Variants in TMEM266 observed in about 807,000 individuals in gnomAD.
TMEM266 encodes transmembrane protein 266, also known as Hv1 related protein 1.
In TMEM266, 33 loss-of-function variants were observed where a neutral mutation model predicts 50.5. That is an observed-to-expected ratio of 0.65 (90% confidence interval 0.50 to 0.87). The LOEUF is 0.87. Among genes scored for constraint, TMEM266 ranks in the 40% least tolerant of loss-of-function variants. The pLI, the probability that TMEM266 is intolerant of heterozygous loss-of-function variation, is 0.00. For synonymous variants in TMEM266, 310 were observed against 292.3 expected (o/e 1.06, Z -0.62); for missense variants, 655 against 695.1 (o/e 0.94, Z 0.65).
chr15:76,094,359 T>A (rs1289702170), intron 1 of TMEM266, among the ~76,000 whole-genome samples: 2 of 152,114 alleles, frequency 1.3e-5, no homozygotes, highest in African/African-American at 4.8e-5. Flanking sequence ...CCAACACCAT[T>A]GATTAAATAG....
At chr15:76,149,077 G>A (rs2037799210) in intron 3 of TMEM266, among the ~76,000 whole-genome samples, 4 of 152,254 alleles carry the variant, frequency 2.6e-5, no homozygotes, top group African/African-American at 9.6e-5. Flanking sequence ...TTGGGTACAG[G>A]GAACAAAGGG....
chr15:76,197,865 A>C (rs758171398), intron 9 of TMEM266, among the ~76,000 whole-genome samples: 3 of 151,962 alleles, frequency 2.0e-5, no homozygotes, highest in Non-Finnish European at 4.4e-5. Flanking sequence ...CTTTCTCTCC[A>C]CCTCTGCCTC....
At chr15:76,084,246 A>G (rs984369062) in intron 1 of TMEM266, among the ~76,000 whole-genome samples, 2 of 152,092 alleles carry the variant, frequency 1.3e-5, no homozygotes, top group African/African-American at 2.4e-5. Flanking sequence ...TCCAGAAGTT[A>G]GAGGCTACAA....
chr15:76,150,634 A>G (rs1400887858), intron 3 of TMEM266, among the ~76,000 whole-genome samples: 1 of 152,146 alleles, frequency 6.6e-6, no homozygotes, highest in African/African-American at 2.4e-5. Context: ...ACTGCAGACC[A>G]ATTGCATAGT....
chr15:76,076,357 A>G (rs2036608142), intron 1 of TMEM266, among the ~76,000 whole-genome samples: 1 of 152,066 alleles, frequency 6.6e-6, no homozygotes, highest in Admixed American at 6.5e-5. Context: ...TTAACCCAAT[A>G]TAAATACACT....
At chr15:76,179,357 A>G (rs2038357517) in intron 8 of TMEM266, among the ~76,000 whole-genome samples, 1 of 152,196 alleles carries the variant, frequency 6.6e-6, no homozygotes, top group Admixed American at 6.5e-5. Flanking sequence ...TGGACCCCGA[A>G]GTCCACCAGC....
chr15:76,104,066 G>GC, intron 1 of TMEM266, among the ~76,000 whole-genome samples: 1 of 151,962 alleles, frequency 6.6e-6, no homozygotes, highest in African/African-American at 2.4e-5. Context: ...AATTAGCTGG[G>GC]CATGGTGGCA....
chr15:76,127,431 A>G (rs2037441056), intron 1 of TMEM266, among the ~76,000 whole-genome samples: 3 of 151,828 alleles, frequency 2.0e-5, no homozygotes, highest in Middle Eastern at 3.4e-3. Context: ...GTCTCAAGCA[A>G]TTCTCCCACT....
Position 76,098,551 on chromosome 15 carries a change from C to T in TMEM266, c.-96-35617C>T, listed in dbSNP as rs188711521. 6.5e-4 allele frequency among the ~76,000 whole-genome samples: 99 copies of T among 152,236 alleles called. 1 individual carries two copies. The highest frequency in any genetic ancestry group is 2.0e-3 in the African/African-American group (82 of 41,562). ...GGAGCTGTCTCCCAGTTAGGATACA[C>T]GGGGATCAGGGACCCACTTGAGGAG... On this transcript the variant is annotated intron_variant, in intron 1 of 10. Coordinates refer to ENST00000388942, the MANE Select transcript of TMEM266 (RefSeq NM_152335.3).
chr15:76,082,959 ACT>A (rs1458482766), intron 1 of TMEM266, among the ~76,000 whole-genome samples: 1 of 149,578 alleles, frequency 6.7e-6, no homozygotes, highest in Non-Finnish European at 1.5e-5. Context: ...ACAGAGCAAG[ACT>A]CTGTCTAAAA....
chr15:76,179,325 G>C (rs563087085), intron 8 of TMEM266, among the ~76,000 whole-genome samples: 2 of 152,298 alleles, frequency 1.3e-5, no homozygotes, highest in Admixed American at 1.3e-4. Context: ...CCTGACACAT[G>C]ATGGGTAGCA....
intron 5 of TMEM266, among the ~76,000 whole-genome samples, chr15:76,165,073 C>T (rs911834619): frequency 9.9e-5 from 15 of 152,262 alleles, no homozygotes; most frequent in South Asian, 2.1e-4. Context: ...GGGAGGGCCT[C>T]GGCCTCAGGC....
intron 4 of TMEM266, among the ~76,000 whole-genome samples, chr15:76,157,237 C>T (rs548251899): frequency 2.3e-4 from 35 of 152,120 alleles, no homozygotes; most frequent in Non-Finnish European, 1.3e-4. Flanking sequence ...GTGATTTATA[C>T]GTATCGTGAT....
rs1176686253 is a variant in TMEM266, at chr15:76,203,726, C to T, written c.1022-15C>T. On this transcript the variant is annotated splice_polypyrimidine_tract_variant and intron_variant, in intron 10 of 10. Coordinates refer to ENST00000388942, the MANE Select transcript of TMEM266 (RefSeq NM_152335.3). ...AGAGGTTGAAGTGTGACCAAGATCC[C>T]CTCCTACCTTGCAGACAGCGGTGTC... 3 of 1,603,894 alleles carry T rather than the reference C, an allele frequency of 1.9e-6. No individual in the cohort carries two copies. Among genetic ancestry groups the T allele is most frequent in the East Asian group, 2.2e-5 (1 of 44,740 alleles).
At chr15:76,143,391 C>T (rs969640988) in intron 3 of TMEM266, among the ~76,000 whole-genome samples, 9 of 152,230 alleles carry the variant, frequency 5.9e-5, no homozygotes, top group Non-Finnish European at 1.0e-4. Context: ...TGTTCTCAAG[C>T]GCATCAGCCA....
At chr15:76,181,195 C>G (rs1384323857) in intron 8 of TMEM266, 2 of 152,238 alleles carry the variant, frequency 1.3e-5, no homozygotes, top group Non-Finnish European at 2.9e-5. Context: ...CAACGTGGCA[C>G]AGCAGTTATG....
intron 1 of TMEM266, among the ~76,000 whole-genome samples, chr15:76,098,736 T>C (rs939339183): frequency 6.6e-6 from 1 of 150,658 alleles, no homozygotes; most frequent in African/African-American, 2.4e-5. Flanking sequence ...TATCTATAAG[T>C]CCCTGACTGG....
At chr15:76,144,681 G>A (rs927469051) in intron 3 of TMEM266, among the ~76,000 whole-genome samples, 3 of 152,154 alleles carry the variant, frequency 2.0e-5, no homozygotes, top group Admixed American at 2.0e-4. Flanking sequence ...CATCATGCCT[G>A]CTCCATCATC....
chr15:76,200,028 A>G (rs997840871), intron 9 of TMEM266, among the ~76,000 whole-genome samples: 1 of 152,104 alleles, frequency 6.6e-6, no homozygotes, highest in Non-Finnish European at 1.5e-5. Flanking sequence ...ATTAAATGCT[A>G]ATGGGCCGTT....
Sources: gnomAD v4.1 joint callset for allele counts (sites outside exome capture counted in the v4.1 genomes callset) on GRCh38, gnomAD v4.1.1 for gene constraint, MANE v1.5 for transcripts, NCBI Gene and HGNC (gene_info 2026-07-23, HGNC 2026-07-21) for gene names.